Variants in ERBB4 observed in about 807,000 individuals in gnomAD.
ERBB4 encodes the protein receptor tyrosine-protein kinase erbB-4.
A neutral mutation model predicts 158.0 loss-of-function variants in ERBB4; 42 were observed. The observed-to-expected ratio is 0.27, with a 90% CI of 0.21 to 0.34. The LOEUF is 0.34. ERBB4 is among the 10% of genes least tolerant of loss of function. The probability of loss-of-function intolerance (pLI) is 1.00; values close to 1 mark genes in which losing one functional copy is unlikely to be tolerated. For missense variants in ERBB4, 1,333 were observed against 1,624.1 expected, an observed-to-expected ratio of 0.82 and a Z score of 3.08; for synonymous variants, 583 against 558.7, an observed-to-expected ratio of 1.04 and a Z score of -0.61.
At chr2:211,903,355 T>A (rs547560574) in intron 3 of ERBB4, among the ~76,000 whole-genome samples, 1 of 152,196 alleles carries the variant, frequency 6.6e-6, no homozygotes, top group South Asian at 2.1e-4. Context: ...TTGATCAGCT[T>A]GACTTAATCC....
intron 20 of ERBB4, among the ~76,000 whole-genome samples, chr2:211,526,161 T>C (rs1313434520): frequency 6.6e-6 from 1 of 152,066 alleles, no homozygotes; most frequent in Admixed American, 6.5e-5. Context: ...GCTATGCTGG[T>C]CTCAGGTCTG....
rs1375169955 is a variant in ERBB4, at chr2:211,420,441, C to G, written c.3135G>C (p.Arg1045Ser). 6.2e-7 allele frequency: 1 copy of G among 1,603,430 alleles called. No individual in the cohort carries two copies. Among genetic ancestry groups the G allele is most frequent in the South Asian group, 1.1e-5 (1 of 90,766 alleles). Residue 1045 changes from arginine (R) to serine (S), a missense_variant and splice_region_variant, in exon 25 of 28, where the codon AGG (arginine) becomes AGC (serine). By Grantham distance (110) the Arg-to-Ser change is moderately radical. Coordinates refer to ENST00000342788, the MANE Select transcript of ERBB4 (RefSeq NM_005235.3). ...YTSRARIDSN[R>S]SEIGHSPPPA... ...ATATGTGTATATAATTATTTCTTAC[C>G]CTATTCGAGTCAATTCTTGCTCTGG...
At position 211,871,522 on chromosome 2, in the gene ERBB4, C is replaced by T. The variant is rs557184250; in HGVS notation, c.421+75908G>A. ...GCTTTGGCATTAAAAAAAAAAAAAA[C>T]CCTCTAGTCATGGGTCATTCAGACT... On this transcript the variant is annotated intron_variant, in intron 3 of 27. Transcript: ENST00000342788. Among the ~76,000 whole-genome samples, 3 of 148,090 alleles carry T rather than the reference C, an allele frequency of 2.0e-5. No homozygotes were observed. In the South Asian group the frequency reaches 6.4e-4, roughly 32 times the overall value.
At chr2:212,194,733 T>C (rs983500846) in intron 1 of ERBB4, among the ~76,000 whole-genome samples, 12 of 102,292 alleles carry the variant, frequency 1.2e-4, no homozygotes, top group Admixed American at 2.6e-4. Context: ...AATAAAAACA[T>C]ATATTTTTGC....
At chr2:212,463,849 G>T (rs746168748) in intron 1 of ERBB4, among the ~76,000 whole-genome samples, 6 of 152,076 alleles carry the variant, frequency 3.9e-5, no homozygotes, top group Non-Finnish European at 7.4e-5. Flanking sequence ...AAGACATTGA[G>T]AAACTTTAAA....
intron 19 of ERBB4, among the ~76,000 whole-genome samples, chr2:211,587,652 AAAG>A (rs1250632729): frequency 6.6e-6 from 1 of 152,186 alleles, no homozygotes; most frequent in East Asian, 1.9e-4. Flanking sequence ...GGAAAAAAAA[AAAG>A]TACAGTGAAT....
intron 1 of ERBB4, among the ~76,000 whole-genome samples, chr2:212,267,186 A>G (rs1312948220): frequency 6.6e-6 from 1 of 152,040 alleles, no homozygotes; most frequent in Non-Finnish European, 1.5e-5. Context: ...AGTTAAATTG[A>G]AGAGCTGCTT....
chr2:212,429,331 C>T (rs577681551), intron 1 of ERBB4: 2 of 152,252 alleles, frequency 1.3e-5, no homozygotes, highest in South Asian at 4.1e-4. Flanking sequence ...AAACAAAACC[C>T]AGAAAGCACA....
At chr2:211,680,097 A>G (rs961509243) in intron 12 of ERBB4, among the ~76,000 whole-genome samples, 4 of 152,216 alleles carry the variant, frequency 2.6e-5, no homozygotes, top group African/African-American at 9.6e-5. Context: ...TACAGTGATT[A>G]TTTATGCAGA....
intron 10 of ERBB4, among the ~76,000 whole-genome samples, chr2:211,704,544 G>A (rs2073366161): frequency 6.6e-6 from 1 of 152,048 alleles, no homozygotes. Context: ...TGTATTCTAA[G>A]ACATTTATAT....
At chr2:212,290,460 C>A (rs961827694) in intron 1 of ERBB4, among the ~76,000 whole-genome samples, 2 of 152,126 alleles carry the variant, frequency 1.3e-5, no homozygotes, top group Non-Finnish European at 2.9e-5. Flanking sequence ...ATTCAGACTT[C>A]AGTGGAAGGA....
chr2:212,158,395 A>G (rs944384552), intron 1 of ERBB4, among the ~76,000 whole-genome samples: 1 of 151,890 alleles, frequency 6.6e-6, no homozygotes, highest in African/African-American at 2.4e-5. Flanking sequence ...AAATACTTAA[A>G]ATGAACCACG....
At chr2:211,876,291 ACT>A in intron 3 of ERBB4, among the ~76,000 whole-genome samples, 1 of 152,034 alleles carries the variant, frequency 6.6e-6, no homozygotes, top group African/African-American at 2.4e-5. Flanking sequence ...TGTCAAAGAG[ACT>A]CTTAATTTTA....
At chr2:211,976,579 A>G (rs139502245) in intron 2 of ERBB4, among the ~76,000 whole-genome samples, 3,476 of 152,256 alleles carry the variant, frequency 0.023, 54 homozygotes, top group Middle Eastern at 0.071. Context: ...ATTTAATCAA[A>G]ATCAAATTAA....
At chr2:212,220,445 G>A (rs2083257459) in intron 1 of ERBB4, among the ~76,000 whole-genome samples, 1 of 151,308 alleles carries the variant, frequency 6.6e-6, no homozygotes, top group Non-Finnish European at 1.5e-5. Context: ...ATAAAAACCA[G>A]AGATTTGGTT....
chr2:211,946,690 T>A (rs2080708569), intron 3 of ERBB4, among the ~76,000 whole-genome samples: 1 of 142,812 alleles, frequency 7.0e-6, no homozygotes, highest in African/African-American at 2.6e-5. Context: ...CAGGTATACA[T>A]GAAGTAAAAT....
intron 12 of ERBB4, among the ~76,000 whole-genome samples, chr2:211,681,303 T>C (rs1053594861): frequency 1.3e-5 from 2 of 152,178 alleles, no homozygotes; most frequent in Non-Finnish European, 2.9e-5. Context: ...AAAATAGTAG[T>C]AGTAGATTAC....
intron 1 of ERBB4, among the ~76,000 whole-genome samples, chr2:212,333,535 A>G (rs1252034624): frequency 6.8e-6 from 1 of 147,400 alleles, no homozygotes; most frequent in Non-Finnish European, 1.5e-5. Flanking sequence ...ACGAAAAAAA[A>G]AAAAAAATTA....
At chr2:212,108,147 G>A (rs2079287892) in intron 2 of ERBB4, among the ~76,000 whole-genome samples, 2 of 152,164 alleles carry the variant, frequency 1.3e-5, no homozygotes, top group South Asian at 4.2e-4. Context: ...AAGCACTGTG[G>A]CACAGATGAG....
Sources: allele counts gnomAD v4.1 joint callset (sites outside exome capture counted in the v4.1 genomes callset), GRCh38; gene constraint gnomAD v4.1.1; transcripts MANE v1.5; gene names NCBI Gene and HGNC (gene_info 2026-07-23, HGNC 2026-07-21).